The following GKN2 variants were observed in gnomAD, a reference collection of about 807,000 sequenced individuals.
GKN2 encodes gastrokine-2.
Under a neutral mutation model 22.7 loss-of-function variants are expected in GKN2, and 17 were observed. The observed-to-expected ratio is 0.75, with a 90% CI of 0.51 to 1.13. The LOEUF (loss-of-function observed/expected upper bound fraction) is 1.13. Ranked by LOEUF, GKN2 falls within the 50% of genes most tolerant of loss-of-function variation. The pLI, the probability that GKN2 is intolerant of heterozygous loss-of-function variation, is 0.00. For missense variants in GKN2, 248 were observed against 221.4 expected (o/e 1.12, Z -0.76); for synonymous variants, 82 against 79.6 (o/e 1.03, Z -0.16).
At chr2:68,950,669 C>T in intron 2 of GKN2, 33 bp downstream of exon 2, 3 of 1,599,748 alleles carry the variant, frequency 1.9e-6, no homozygotes, top group Non-Finnish European at 2.6e-6. Flanking sequence ...CCCAACATCT[C>T]TAAGAGATAA....
chr2:68,946,996 A>G (rs1405532848), intron 4 of GKN2, 151 bp downstream of exon 4: 3 of 573,922 alleles, frequency 5.2e-6, no homozygotes, highest in Non-Finnish European at 9.4e-6. Flanking sequence ...AAATAAAAGT[A>G]AAAACACTTT....
chr2:68,950,890 C>T, intron 1 of GKN2, 135 bp from the exon 2 acceptor site: 1 of 798,566 alleles, frequency 1.3e-6, no homozygotes, highest in South Asian at 1.6e-5. Context: ...CACAGATGGT[C>T]AGCACTCCCT....
At chr2:68,949,866 TA>T (rs1669829128) in intron 3 of GKN2, among the ~76,000 whole-genome samples, 1 of 152,234 alleles carries the variant, frequency 6.6e-6, no homozygotes, top group African/African-American at 2.4e-5. Context: ...TGTAGTGGGA[TA>T]ATAGCATTAC....
chr2:68,946,242 G>T lies in GKN2; in HGVS notation c.472+62C>A. 3.5e-6 allele frequency: 5 copies of T among 1,445,818 alleles called. No individual in the cohort carries two copies. In the South Asian group the frequency reaches 4.1e-5, roughly 12 times the overall value. 89.6% of individuals were successfully genotyped at this position (1,445,818 alleles called of 1,614,324 possible). On this transcript the variant is annotated intron_variant, in intron 5 of 5. Coordinates refer to ENST00000328895, the MANE Select transcript of GKN2 (RefSeq NM_182536.3). Reference sequence around the variant, plus strand: ...TGCATTTCACTTGGCACCCAACAGAGCACCTGGCACATAGTAGCTTTCAGA... The same window carrying T: ...TGCATTTCACTTGGCACCCAACAGATCACCTGGCACATAGTAGCTTTCAGA...
At chr2:68,950,538 G>C (rs1456238815) in intron 2 of GKN2, among the ~76,000 whole-genome samples, 164 bp downstream of exon 2, 1 of 152,188 alleles carries the variant, frequency 6.6e-6, no homozygotes, top group Non-Finnish European at 1.5e-5. Context: ...AAGGTATTGT[G>C]GTTGGAGAGG....
intron 3 of GKN2, 57 bp from the exon 4 acceptor site, chr2:68,947,314 G>T: frequency 1.8e-6 from 2 of 1,129,822 alleles, no homozygotes; most frequent in Non-Finnish European, 2.7e-6. Flanking sequence ...TCTGAACTTG[G>T]TGAAGATGAT....
chr2:68,946,239 A>G, intron 5 of GKN2, 65 bp downstream of exon 5: 1 of 1,433,782 alleles, frequency 7.0e-7, no homozygotes, highest in Non-Finnish European at 9.5e-7. Flanking sequence ...GGCACCCAAC[A>G]GAGCACCTGG....
Position 68,947,173 on chromosome 2 carries a change from G to A in GKN2, c.289C>T (p.Leu97Phe), listed in dbSNP as rs748412323. ...TGTTTCTCATAGATGTACCATTGGA[G>A]ATTGTTCAGAGGAGGGATGTTCTGA... The part of the protein sequence containing the change: ...DHQNIPPLNN[L>F]QWYIYEKQAL... Residue 97 changes from leucine (L) to phenylalanine (F), a missense_variant, in exon 4 of 6, where the codon CTC (leucine) becomes TTC (phenylalanine). Physicochemically the swap from Leu to Phe is conservative, Grantham distance 22. Transcript: ENST00000328895. 1.7e-5 allele frequency: 28 copies of A among 1,612,366 alleles called. No individual in the cohort carries two copies. Among genetic ancestry groups the A allele is most frequent in the East Asian group, 6.7e-5 (3 of 44,872 alleles).
intron 1 of GKN2, among the ~76,000 whole-genome samples, chr2:68,951,970 G>A (rs1426112813): frequency 6.6e-6 from 1 of 152,232 alleles, no homozygotes; most frequent in Non-Finnish European, 1.5e-5. Context: ...GAGAGAGGGA[G>A]CTCTTTAAGC....
At chr2:68,947,063 C>G (rs1669781555) in intron 4 of GKN2, 84 bp downstream of exon 4, 2 of 802,986 alleles carry the variant, frequency 2.5e-6, no homozygotes, top group African/African-American at 3.3e-5. Flanking sequence ...GTATGATCTT[C>G]TCCCTCACAC....
intron 2 of GKN2, 110 bp from the exon 3 acceptor site, chr2:68,950,373 T>G (rs1466507462): frequency 5.5e-6 from 6 of 1,088,970 alleles, no homozygotes; most frequent in Non-Finnish European, 7.8e-6. Flanking sequence ...GATTAAAAAC[T>G]AAAACTGTCC....
intron 1 of GKN2, 128 bp from the exon 2 acceptor site, chr2:68,950,883 A>G: frequency 1.2e-6 from 1 of 867,430 alleles, no homozygotes; most frequent in Non-Finnish European, 1.9e-6. Context: ...GAGTGGCCAC[A>G]GATGGTCAGC....
At chr2:68,950,835 G>C in intron 1 of GKN2, 80 bp from the exon 2 acceptor site, 21 of 1,419,674 alleles carry the variant, frequency 1.5e-5, no homozygotes, top group Non-Finnish European at 2.1e-5. Flanking sequence ...GGACAGGAAA[G>C]GCACAGATAT....
chr2:68,950,870 A>C, intron 1 of GKN2, 115 bp from the exon 2 acceptor site: 3 of 1,007,142 alleles, frequency 3.0e-6, no homozygotes, highest in Non-Finnish European at 4.7e-6. Context: ...ACCTAGAGAC[A>C]CTGAGTGGCC....
At chr2:68,946,689 T>C (rs534509202) in intron 4 of GKN2, among the ~76,000 whole-genome samples, 11 of 152,288 alleles carry the variant, frequency 7.2e-5, no homozygotes, top group African/African-American at 2.2e-4. Context: ...GTAAGTCCCA[T>C]GTCAAAGGTA....
Position 68,950,224 on chromosome 2 carries a change from C to T in GKN2, c.106G>A (p.Val36Ile), listed in dbSNP as rs371548040. Residue 36 changes from valine (V) to isoleucine (I), a missense_variant, in exon 3 of 6, where the codon GTT (valine) becomes ATT (isoleucine). Coordinates refer to ENST00000328895, the MANE Select transcript of GKN2 (RefSeq NM_182536.3). ...TTATCAATTGTCACTGTCTCCTGAA[C>T]ATTGCCACCATTGTTGCTTGGGCTG... Reference protein sequence around the residue: ...IISPSNNGGNVQETVTIDNEK... With the variant: ...IISPSNNGGNIQETVTIDNEK... The T allele has an allele frequency of 1.2e-6, 2 of 1,613,504 alleles. No homozygotes were observed. Among genetic ancestry groups the T allele is most frequent in the Non-Finnish European group, 1.7e-6 (2 of 1,179,720 alleles).
intron 1 of GKN2, 131 bp from the exon 2 acceptor site, chr2:68,950,886 T>TG (rs2103894224): frequency 1.3e-5 from 11 of 818,668 alleles, no homozygotes; most frequent in Non-Finnish European, 2.3e-5. Context: ...TGGCCACAGA[T>TG]GGTCAGCACT....
chr2:68,950,112 C>A lies in GKN2; in HGVS notation c.204+14G>T. 2 of 1,610,962 alleles carry A rather than the reference C, an allele frequency of 1.2e-6. No homozygotes were observed. Among genetic ancestry groups the A allele is most frequent in the South Asian group, 1.1e-5 (1 of 90,452 alleles). ...ACTAGTCCTGATGAATATGAAAATT[C>A]ATTTGCTGCTTACATGTTTATAGTC... On this transcript the variant is annotated intron_variant, in intron 3 of 5. Coordinates refer to ENST00000328895, the MANE Select transcript of GKN2 (RefSeq NM_182536.3).
chr2:68,950,147 G>C lies in GKN2; in HGVS notation c.183C>G (p.Thr61=), dbSNP rs372255907. The part of the protein sequence containing the change: ...INIHAGSCSS[T]TIFDYKHGYI... ...TTACATGTTTATAGTCAAAAATTGT[G>C]GTAGAAGAGCATGATCCTGCATGGA... The change falls in exon 3 of 6, where the codon ACC becomes ACG. Residue 61 remains threonine (T), a synonymous_variant. Coordinates refer to ENST00000328895, the MANE Select transcript of GKN2 (RefSeq NM_182536.3). The C allele has an allele frequency of 6.2e-7, 1 of 1,612,514 alleles. No homozygotes were observed. Among genetic ancestry groups the C allele is most frequent in the African/African-American group, 1.3e-5 (1 of 74,848 alleles).
Sources: allele counts gnomAD v4.1 joint callset (sites outside exome capture counted in the v4.1 genomes callset), GRCh38; gene constraint gnomAD v4.1.1; transcripts MANE v1.5; gene names NCBI Gene and HGNC (gene_info 2026-07-23, HGNC 2026-07-21).